SMAD4: variants seen among roughly 807,000 people sequenced by gnomAD.
SMAD4 encodes the protein SMAD family member 4.
A neutral mutation model predicts 63.2 loss-of-function variants in SMAD4; 7 were observed. The observed-to-expected ratio is 0.11, with a 90% confidence interval of 0.06 to 0.21. The LOEUF is 0.21. SMAD4 is among the 10% of genes least tolerant of loss of function. SMAD4 has a pLI of 1.00. For synonymous variants in SMAD4, 215 were observed against 235.4 expected, an observed-to-expected ratio of 0.91 and a Z score of 0.79; for missense variants, 312 against 693.8, an observed-to-expected ratio of 0.45 and a Z score of 6.18.
chr18:51,060,617 A>T (rs1323664074), intron 8 of SMAD4, among the ~76,000 whole-genome samples: 5 of 152,158 alleles, frequency 3.3e-5, no homozygotes, highest in Non-Finnish European at 7.4e-5. Context: ...GAAAATTATG[A>T]AGAATTATAT....
At chr18:51,036,414 C>T (rs1909207035) in intron 1 of SMAD4, among the ~76,000 whole-genome samples, 1 of 152,000 alleles carries the variant, frequency 6.6e-6, no homozygotes, top group African/African-American at 2.4e-5. Flanking sequence ...GATGGGCAGT[C>T]CTTGTAAAAA....
In SMAD4 at chr18:51,082,122, T is replaced by G. The variant is rs1022299516; in HGVS notation, c.*3655T>G. 1 of 230,046 alleles carries G rather than the reference T, an allele frequency of 4.3e-6. No homozygotes were observed. The highest frequency in any genetic ancestry group is 8.6e-6 in the Non-Finnish European group (1 of 116,196). The allele number at this position is 230,046 out of a possible 1,614,324, so 14.3% of individuals were successfully genotyped here. A position where few individuals can be genotyped will look rare whatever the true frequency, so the allele number is the denominator to read the frequency against. ...TAGCAGATTGGGAAAATGGCAAATT[T>G]AGGTTACGGAGGTAAATGAGTATAT... is the stretch of plus-strand genomic sequence containing the variant. On this transcript the variant is annotated 3_prime_UTR_variant, in exon 12 of 12. Coordinates refer to ENST00000342988, the MANE Select transcript of SMAD4 (RefSeq NM_005359.6).
At chr18:51,035,419 A>G (rs948658460) in intron 1 of SMAD4, among the ~76,000 whole-genome samples, 10 of 152,138 alleles carry the variant, frequency 6.6e-5, no homozygotes, top group Admixed American at 2.6e-4. Flanking sequence ...GCTCACATCT[A>G]TAATCTCAGC....
At chr18:51,049,582 C>A in intron 4 of SMAD4, 2 of 436,274 alleles carry the variant, frequency 4.6e-6, no homozygotes, top group South Asian at 4.0e-5. Flanking sequence ...TAGAGGAATG[C>A]ACCAAAAACA....
chr18:51,064,315 C>T (rs1910093945), intron 8 of SMAD4, among the ~76,000 whole-genome samples: 1 of 152,214 alleles, frequency 6.6e-6, no homozygotes, highest in African/African-American at 2.4e-5. Context: ...GATGGGATGT[C>T]CCCTACCATC....
Position 51,054,807 on chromosome 18 carries a change from G to A in SMAD4, c.481G>A (p.Glu161Lys), listed in dbSNP as rs1183671082. The A allele has an allele frequency of 1.2e-6, 2 of 1,613,308 alleles. No homozygotes were observed. Among genetic ancestry groups the A allele is most frequent in the South Asian group, 1.1e-5 (1 of 91,060 alleles). The stretch of plus-strand genomic sequence containing the variant: ...TCCATCAAGTATGATGGTGAAGGAT[G>A]AATATGTGCATGACTTTGAGGGACA... ...NAPSSMMVKDEYVHDFEGQPS... is the reference protein window; with the variant it reads ...NAPSSMMVKDKYVHDFEGQPS... Residue 161 changes from glutamate to lysine, a missense_variant, in exon 5 of 12, where the codon GAA becomes AAA. By Grantham distance (56) the Glu-to-Lys change is moderately conservative (BLOSUM62 1). Coordinates refer to ENST00000342988, the MANE Select transcript of SMAD4 (RefSeq NM_005359.6).
rs147457928 is a variant in SMAD4, at chr18:51,060,276, C to T, written c.955+360C>T. 4.6e-5 allele frequency among the ~76,000 whole-genome samples: 7 copies of T among 152,004 alleles called. No homozygotes were observed. In the South Asian group the frequency reaches 8.3e-4, roughly 18 times the overall value. ...CCAGGAAAGAATCTTAAGTACATGC[C>T]GAAAAGAAAAATAATTCACTCTATT... is the stretch of plus-strand genomic sequence containing the variant. On this transcript the variant is annotated intron_variant, in intron 8 of 11. Transcript: ENST00000342988.
intron 1 of SMAD4, among the ~76,000 whole-genome samples, chr18:51,046,131 A>G (rs368524461): frequency 1.3e-5 from 2 of 152,264 alleles, no homozygotes; most frequent in African/African-American, 4.8e-5. Flanking sequence ...TAGAAGTGTG[A>G]AGAGTAGAAT....
At chr18:51,049,012 A>G (rs1909628792) in intron 3 of SMAD4, 152 bp downstream of exon 3, 1 of 740,250 alleles carries the variant, frequency 1.4e-6, no homozygotes, top group Admixed American at 2.5e-5. Flanking sequence ...ACGTATTTAA[A>G]TTTGAATTTA....
chr18:51,073,200 C>T (rs1015365060), intron 10 of SMAD4, among the ~76,000 whole-genome samples: 4 of 151,294 alleles, frequency 2.6e-5, no homozygotes, highest in Non-Finnish European at 5.9e-5. Context: ...TGAAACAATC[C>T]TAATTGCGAT....
chr18:51,045,012 A>G (rs1338395057), intron 1 of SMAD4: 2 of 152,278 alleles, frequency 1.3e-5, no homozygotes, highest in African/African-American at 4.8e-5. Context: ...TTTATGTGAA[A>G]GAGATAACAA....
intron 1 of SMAD4, among the ~76,000 whole-genome samples, chr18:51,046,655 C>G (rs1156518915): frequency 6.6e-6 from 1 of 151,992 alleles, no homozygotes; most frequent in Non-Finnish European, 1.5e-5. Context: ...GAGCATGCCA[C>G]TATCATAATG....
intron 1 of SMAD4, chr18:51,045,184 C>T (rs1017665940): frequency 6.6e-6 from 1 of 152,130 alleles, no homozygotes; most frequent in African/African-American, 2.4e-5. Context: ...GAAAGAGGCA[C>T]GTCAGAGATC....
intron 8 of SMAD4, among the ~76,000 whole-genome samples, chr18:51,063,098 C>T (rs765158241): frequency 5.7e-4 from 86 of 151,774 alleles, no homozygotes; most frequent in Non-Finnish European, 8.1e-4. Context: ...TTGATCTGCC[C>T]GCCTCGGCCT....
chr18:51,079,369 C>T lies in SMAD4; in HGVS notation c.*902C>T, dbSNP rs1284664064. ...TCACTCTACCTAATGTCTCACTGTT[C>T]TGCAAAGGTGGCAATGCTTAAACTA... is the stretch of plus-strand genomic sequence containing the variant. On this transcript the variant is annotated 3_prime_UTR_variant, in exon 12 of 12. Transcript: ENST00000342988. The T allele has an allele frequency of 4.3e-6, 1 of 233,270 alleles. No individual in the cohort carries two copies. Among genetic ancestry groups the T allele is most frequent in the Middle Eastern group, 1.2e-3 (1 of 802 alleles). The allele number at this position is 233,270 out of a possible 1,614,324, so 14.5% of individuals were successfully genotyped here.
intron 10 of SMAD4, among the ~76,000 whole-genome samples, chr18:51,070,739 T>C (rs1044970678): frequency 2.0e-5 from 3 of 152,168 alleles, no homozygotes; most frequent in African/African-American, 4.8e-5. Context: ...TTTGCCAGCA[T>C]ATCCATGCTG....
intron 10 of SMAD4, among the ~76,000 whole-genome samples, chr18:51,074,379 G>T (rs767800139): frequency 6.6e-6 from 1 of 152,052 alleles, no homozygotes; most frequent in Non-Finnish European, 1.5e-5. Context: ...CAAAAGACAT[G>T]AACAAACACC....
intron 4 of SMAD4, among the ~76,000 whole-genome samples, chr18:51,051,612 G>GT (rs1249987921): frequency 2.6e-5 from 4 of 152,114 alleles, no homozygotes; most frequent in African/African-American, 4.8e-5. Flanking sequence ...AGATAATAAG[G>GT]TATGTTTTGT....
At chr18:51,034,720 A>C (rs1909154899) in intron 1 of SMAD4, among the ~76,000 whole-genome samples, 1 of 151,670 alleles carries the variant, frequency 6.6e-6, no homozygotes, top group Non-Finnish European at 1.5e-5. Flanking sequence ...TTTTTGAAAA[A>C]TTTTTGTAGA....
Sources: allele counts gnomAD v4.1 joint callset (sites outside exome capture counted in the v4.1 genomes callset), GRCh38; gene constraint gnomAD v4.1.1; transcripts MANE v1.5; gene names NCBI Gene and HGNC (gene_info 2026-07-23, HGNC 2026-07-21).